GNG2: variants seen among roughly 807,000 people sequenced by gnomAD.
GNG2 encodes guanine nucleotide-binding protein G(I)/G(S)/G(O) subunit gamma-2.
GNG2 carries 5 observed loss-of-function variants against 5.5 expected under a neutral mutation model. That is an observed-to-expected ratio of 0.91 (90% CI 0.48 to 1.92). GNG2 has a LOEUF of 1.92. Among genes scored for constraint, GNG2 ranks in the 30% most tolerant of loss-of-function variants. The probability of loss-of-function intolerance (pLI) is 0.01; values close to 1 mark genes in which losing one functional copy is unlikely to be tolerated. For synonymous variants in GNG2, 28 were observed against 32.0 expected (o/e 0.88, Z 0.42); for missense variants, 55 against 88.4 (o/e 0.62, Z 1.52).
chr14:51,828,729 ATTTG>A lies in GNG2; in HGVS notation c.64+926_64+929del, dbSNP rs772725370. Among the ~76,000 whole-genome samples, 19 of 151,930 alleles carry A rather than the reference ATTTG, an allele frequency of 1.3e-4. No homozygotes were observed. The South Asian group carries it at 1.7e-3, about 13-fold the overall frequency. On this transcript the variant is annotated intron_variant, in intron 2 of 3. Transcript: ENST00000553432. ...AAGGCTGGACTGTGAAGCTGGTGAA[ATTTG>A]TTTCTGACTCTGCTATTTTCAGGCC...
chr14:51,842,788 A>T (rs1315151894), intron 2 of GNG2, among the ~76,000 whole-genome samples: 1 of 151,322 alleles, frequency 6.6e-6, no homozygotes, highest in Non-Finnish European at 1.5e-5. Flanking sequence ...CCTCAGCCTC[A>T]CCAGTAGCTG....
At position 51,966,962 on chromosome 14, in the gene GNG2, G is replaced by GGCCCCCCCC. The variant is rs1889955798; in HGVS notation, c.*275_*276insGCCCCCCCC. The GGCCCCCCCC allele has an allele frequency of 9.4e-6, 1 of 106,128 alleles. No individual in the cohort carries two copies. Among genetic ancestry groups the GGCCCCCCCC allele is most frequent in the Admixed American group, 1.1e-4 (1 of 9,170 alleles). The allele number at this position is 106,128 out of a possible 1,614,324, so 6.6% of individuals were successfully genotyped here. A position where few individuals can be genotyped will look rare whatever the true frequency, so the allele number is the denominator to read the frequency against. ...GTCACTTCTTTTCTGCTATCCCCCA[G>GGCCCCCCCC]CCCCCCCCCCAAAATCCTCATGTTT... is the stretch of plus-strand genomic sequence containing the variant. On this transcript the variant is annotated 3_prime_UTR_variant, in exon 4 of 4. Coordinates refer to ENST00000556766, the MANE Select transcript of GNG2 (RefSeq NM_053064.5).
chr14:51,960,443 T>C (rs1370461345), intron 3 of GNG2, among the ~76,000 whole-genome samples: 1 of 152,088 alleles, frequency 6.6e-6, no homozygotes, highest in East Asian at 1.9e-4. Flanking sequence ...TTCGTGTCTA[T>C]AAATCTGCTA....
At chr14:51,923,371 G>A (rs1356264600) in intron 2 of GNG2, among the ~76,000 whole-genome samples, 1 of 152,136 alleles carries the variant, frequency 6.6e-6, no homozygotes, top group Non-Finnish European at 1.5e-5. Flanking sequence ...GAGAGGGTTG[G>A]TGTAGAGATT....
At chr14:51,881,824 C>T (rs1369659076) in intron 2 of GNG2, among the ~76,000 whole-genome samples, 3 of 149,764 alleles carry the variant, frequency 2.0e-5, no homozygotes, top group Non-Finnish European at 4.4e-5. Context: ...AAAGATTCAG[C>T]ACTATCAGTC....
At chr14:51,869,471 C>T (rs1472890108) in intron 1 of GNG2, among the ~76,000 whole-genome samples, 1 of 152,164 alleles carries the variant, frequency 6.6e-6, no homozygotes, top group African/African-American at 2.4e-5. Flanking sequence ...AGGCATATTT[C>T]AATACGTAGA....
At chr14:51,915,990 C>T (rs1344174517) in intron 2 of GNG2, among the ~76,000 whole-genome samples, 1 of 152,140 alleles carries the variant, frequency 6.6e-6, no homozygotes, top group Non-Finnish European at 1.5e-5. Flanking sequence ...TACAGTTATA[C>T]AGTAAAACTA....
chr14:51,828,483 G>A (rs891974739), intron 2 of GNG2, among the ~76,000 whole-genome samples: 1 of 152,128 alleles, frequency 6.6e-6, no homozygotes. Context: ...AGGAGGGAAG[G>A]AATAAATCAA....
At chr14:51,889,492 C>T (rs1884704969) in intron 2 of GNG2, among the ~76,000 whole-genome samples, 1 of 152,156 alleles carries the variant, frequency 6.6e-6, no homozygotes, top group South Asian at 2.1e-4. Context: ...ATACTAAAAA[C>T]ACTGAATTGT....
At chr14:51,879,585 T>C (rs144213782) in intron 2 of GNG2, among the ~76,000 whole-genome samples, 5 of 152,200 alleles carry the variant, frequency 3.3e-5, no homozygotes, top group African/African-American at 4.8e-5. Context: ...AACAAGACTG[T>C]GTTCCTTTCT....
chr14:51,927,320 T>C (rs1887388799), intron 2 of GNG2, among the ~76,000 whole-genome samples: 1 of 152,228 alleles, frequency 6.6e-6, no homozygotes, highest in Admixed American at 6.5e-5. Context: ...CCGTTTATCT[T>C]CATCAGATTG....
In GNG2 at chr14:51,950,784, C is replaced by T. The variant is rs763177209; in HGVS notation, c.87+19C>T. 6.1e-6 allele frequency: 9 copies of T among 1,483,266 alleles called. No homozygotes were observed. The highest frequency in any genetic ancestry group is 9.2e-7 in the Non-Finnish European group (1 of 1,082,780). The allele number at this position is 1,483,266 out of a possible 1,614,324, so 91.9% of individuals were successfully genotyped here. On this transcript the variant is annotated intron_variant, in intron 3 of 3. Transcript: ENST00000556766. The stretch of plus-strand genomic sequence containing the variant: ...GATAAAGGTGAGGATGGTCTAACCC[C>T]ACACTTCATCTAGCGTGAGTCTAAG...
intron 2 of GNG2, among the ~76,000 whole-genome samples, chr14:51,923,341 A>G (rs147478134): frequency 6.6e-6 from 1 of 152,262 alleles, no homozygotes; most frequent in African/African-American, 2.4e-5. Flanking sequence ...TGAGATTTGG[A>G]TTTGAACTGT....
chr14:51,916,372 G>C (rs1886622588), intron 2 of GNG2: 1 of 425,818 alleles, frequency 2.3e-6, no homozygotes, highest in African/African-American at 2.1e-5. Flanking sequence ...TGCACCGTTG[G>C]CAGAATATGG....
At chr14:51,931,415 C>T (rs1390077918) in intron 2 of GNG2, among the ~76,000 whole-genome samples, 1 of 152,146 alleles carries the variant, frequency 6.6e-6, no homozygotes, top group African/African-American at 2.4e-5. Flanking sequence ...GAGAGGCGCT[C>T]ATTCACATAG....
chr14:51,942,679 G>A (rs1346508124), intron 2 of GNG2, among the ~76,000 whole-genome samples: 5 of 142,850 alleles, frequency 3.5e-5, no homozygotes, highest in Non-Finnish European at 6.0e-5. Context: ...CCTTCTCAGC[G>A]CCCCCAAGTA....
intron 1 of GNG2, among the ~76,000 whole-genome samples, chr14:51,867,405 C>T (rs1056199526): frequency 4.6e-5 from 7 of 152,172 alleles, no homozygotes; most frequent in Admixed American, 2.0e-4. Flanking sequence ...ACCTTTCCCA[C>T]TCCTCAAAAC....
intron 1 of GNG2, among the ~76,000 whole-genome samples, chr14:51,827,330 C>G (rs117026756): frequency 6.6e-6 from 1 of 152,314 alleles, no homozygotes; most frequent in South Asian, 2.1e-4. Flanking sequence ...TCAATATCAC[C>G]TGGGAACTTG....
intron 1 of GNG2, among the ~76,000 whole-genome samples, chr14:51,875,626 T>C (rs1883602973): frequency 6.6e-6 from 1 of 151,744 alleles, no homozygotes; most frequent in South Asian, 2.1e-4. Context: ...AAATGTGTTA[T>C]ATAATACAAC....
Sources: gnomAD v4.1 joint callset for allele counts (sites outside exome capture counted in the v4.1 genomes callset) on GRCh38, gnomAD v4.1.1 for gene constraint, MANE v1.5 for transcripts, NCBI Gene and HGNC (gene_info 2026-07-23, HGNC 2026-07-21) for gene names.